The following OPRL1 variants were observed in gnomAD, a reference collection of about 807,000 sequenced individuals.
The protein encoded by OPRL1 is nociceptin receptor.
In OPRL1, 5 loss-of-function variants were observed where a neutral mutation model predicts 15.5. The ratio of observed to expected loss-of-function variants is 0.32; its 90% CI spans 0.17 to 0.68. The LOEUF (loss-of-function observed/expected upper bound fraction) is 0.68, where lower values mean the gene tolerates loss of function less well. Ranked by LOEUF, OPRL1 falls within the 30% of genes least tolerant of loss-of-function variation. The probability of loss-of-function intolerance (pLI) is 0.72; values close to 1 mark genes in which losing one functional copy is unlikely to be tolerated. For missense variants in OPRL1, 406 were observed against 515.3 expected, an observed-to-expected ratio of 0.79 and a Z score of 2.05; for synonymous variants, 223 against 230.2, an observed-to-expected ratio of 0.97 and a Z score of 0.28.
rs1474023654 is a variant in OPRL1, at chr20:64,090,477, T to C, written c.-184-1489T>C. ...TGCCTAGCAACCAGGTCCCCACTCATGGAGAAGGTGCTCGGAGCAGGGTCT... is the reference window on the plus strand; with the variant it reads ...TGCCTAGCAACCAGGTCCCCACTCACGGAGAAGGTGCTCGGAGCAGGGTCT... On this transcript the variant is annotated intron_variant, in intron 1 of 4. Transcript: ENST00000336866. This position sits in a 1 kb window ranked among gnomAD's most constrained non-coding sequence, Gnocchi z 4.9. 6.6e-6 allele frequency among the ~76,000 whole-genome samples: 1 copy of C among 152,166 alleles called. No individual in the cohort carries two copies. Among genetic ancestry groups the C allele is most frequent in the Non-Finnish European group, 1.5e-5 (1 of 68,016 alleles).
At position 64,098,887 on chromosome 20, in the gene OPRL1, G is replaced by T; in HGVS notation, c.*88G>T. ...GCTCACACAGGTCACTGCTCTCTAG[G>T]CGGACACACCCTGGGCCCTGAGCAT... On this transcript the variant is annotated 3_prime_UTR_variant, in exon 5 of 5. Transcript: ENST00000336866. 5.5e-6 allele frequency: 8 copies of T among 1,464,548 alleles called. No individual in the cohort carries two copies. The highest frequency in any genetic ancestry group is 7.2e-6 in the Non-Finnish European group (8 of 1,106,730). The allele number at this position is 1,464,548 out of a possible 1,614,324, so 90.7% of individuals were successfully genotyped here. A position where few individuals can be genotyped will look rare whatever the true frequency, so the allele number is the denominator to read the frequency against.
rs2059993940 is a variant in OPRL1, at chr20:64,083,524, T to G, written c.-185+3172T>G. 6.4e-7 allele frequency: 1 copy of G among 1,567,922 alleles called. No individual in the cohort carries two copies. On this transcript the variant is annotated intron_variant, in intron 1 of 4. Coordinates refer to ENST00000336866, the MANE Select transcript of OPRL1 (RefSeq NM_182647.4). This position sits in a 1 kb window ranked among gnomAD's most constrained non-coding sequence, Gnocchi z 4.9. ...CGGGGAGAGAGGCTGGGGTCCGGCGTGTGCGGAGGCGGGCAGGGCCCCTCC... is the reference window on the plus strand; with the variant it reads ...CGGGGAGAGAGGCTGGGGTCCGGCGGGTGCGGAGGCGGGCAGGGCCCCTCC...
At chr20:64,093,508 T>G (rs1193382089) in intron 3 of OPRL1, among the ~76,000 whole-genome samples, 9 of 2,668 alleles carry the variant, frequency 3.4e-3, no homozygotes, top group South Asian at 0.012. Flanking sequence ...GGGCAGTGTG[T>G]GGGGGGCGGT....
chr20:64,096,897 G>C (rs200367096), intron 3 of OPRL1, among the ~76,000 whole-genome samples: 65 of 1,804 alleles, frequency 0.036, no homozygotes, highest in East Asian at 0.048. Context: ...TCATCATCAC[G>C]ACCATCACCA....
chr20:64,094,838 C>G (rs1235920118), intron 3 of OPRL1, among the ~76,000 whole-genome samples: 1 of 674 alleles, frequency 1.5e-3, no homozygotes, highest in Admixed American at 0.011. Flanking sequence ...GGGATAGTGT[C>G]GGGGAGATCG....
chr20:64,083,802 G>T lies in OPRL1; in HGVS notation c.-185+3450G>T, dbSNP rs2060002390. 3.7e-6 allele frequency: 5 copies of T among 1,339,794 alleles called. No individual in the cohort carries two copies. Among genetic ancestry groups the T allele is most frequent in the Non-Finnish European group, 4.8e-6 (5 of 1,051,714 alleles). 83.0% of individuals were successfully genotyped at this position (1,339,794 alleles called of 1,614,324 possible). ...TCCCGGTGCGCCCCCTCTGCCCTCC[G>T]ACCCCCTCGCCTCACCCGCATGCGG... On this transcript the variant is annotated intron_variant, in intron 1 of 4. Coordinates refer to ENST00000336866, the MANE Select transcript of OPRL1 (RefSeq NM_182647.4). This position sits in a 1 kb window ranked among gnomAD's most constrained non-coding sequence, Gnocchi z 4.9.
At chr20:64,082,429 G>A (rs2059976987) in intron 1 of OPRL1, among the ~76,000 whole-genome samples, 1 of 152,208 alleles carries the variant, frequency 6.6e-6, no homozygotes, top group Admixed American at 6.5e-5. Flanking sequence ...GGGCGAGTGC[G>A]CAGGGCTCCA....
chr20:64,095,925 C>T (rs185848607), intron 3 of OPRL1, among the ~76,000 whole-genome samples: 2 of 152,092 alleles, frequency 1.3e-5, no homozygotes, highest in East Asian at 1.9e-4. Flanking sequence ...CATGCAGCCA[C>T]GTGTATATGT....
intron 1 of OPRL1, among the ~76,000 whole-genome samples, chr20:64,088,898 C>T: frequency 6.6e-6 from 1 of 150,596 alleles, no homozygotes; most frequent in Non-Finnish European, 1.5e-5. Flanking sequence ...GCAGAGTGGC[C>T]AGGGTCTGTG....
rs1015212742 is a variant in OPRL1, at chr20:64,100,053, G to A, written c.*1254G>A. 6.6e-6 allele frequency: 1 copy of A among 152,040 alleles called. No homozygotes were observed. Among genetic ancestry groups the A allele is most frequent in the Non-Finnish European group, 1.5e-5 (1 of 68,104 alleles). The allele number at this position is 152,040 out of a possible 1,614,324, so 9.4% of individuals were successfully genotyped here. A position where few individuals can be genotyped will look rare whatever the true frequency, so the allele number is the denominator to read the frequency against. On this transcript the variant is annotated 3_prime_UTR_variant, in exon 5 of 5. Transcript: ENST00000336866. ...CAGCATGAGGGGTGGGGCCTGGCAG[G>A]GCTTGCTTGAGCCAAACTGCAAAGG...
At position 64,083,883 on chromosome 20, in the gene OPRL1, C is replaced by G; in HGVS notation, c.-185+3531C>G. The G allele has an allele frequency of 7.0e-7, 1 of 1,438,532 alleles. No individual in the cohort carries two copies. The highest frequency in any genetic ancestry group is 9.1e-7 in the Non-Finnish European group (1 of 1,102,710). The allele number at this position is 1,438,532 out of a possible 1,614,324, so 89.1% of individuals were successfully genotyped here. ...CCGCGGGCCTCCGCTGCCTTGAGGA[C>G]GCCGAGGAGCCGGTTCTGGCGCTCG... On this transcript the variant is annotated intron_variant, in intron 1 of 4. Transcript: ENST00000336866. This position sits in a 1 kb window ranked among gnomAD's most constrained non-coding sequence, Gnocchi z 4.9.
At position 64,083,571 on chromosome 20, in the gene OPRL1, G is replaced by T; in HGVS notation, c.-185+3219G>T. The T allele has an allele frequency of 2.0e-6, 3 of 1,526,412 alleles. No homozygotes were observed. Among genetic ancestry groups the T allele is most frequent in the South Asian group, 2.4e-5 (2 of 82,654 alleles). 94.6% of individuals were successfully genotyped at this position (1,526,412 alleles called of 1,614,324 possible). On this transcript the variant is annotated intron_variant, in intron 1 of 4. Coordinates refer to ENST00000336866, the MANE Select transcript of OPRL1 (RefSeq NM_182647.4). The surrounding 1 kb of genome is among the most constrained non-coding windows in gnomAD (Gnocchi z 4.9). ...CTCCCCTTTCCCCGCCCCTACCGGG[G>T]CTTGTCTGCACCTCTTGGCGGTCCA...
rs984776622 is a variant in OPRL1 at position 64,093,019 on chromosome 20, G to A, written c.233+66G>A. The A allele has an allele frequency of 7.7e-6, 11 of 1,435,528 alleles. No homozygotes were observed. In the Middle Eastern group the frequency reaches 8.9e-4, roughly 117 times the overall value. The allele number at this position is 1,435,528 out of a possible 1,614,324, so 88.9% of individuals were successfully genotyped here. On this transcript the variant is annotated intron_variant, in intron 3 of 4. Transcript: ENST00000336866. ...CGGCTGCAGAGGGGGAAACTGAGAC[G>A]GGGTCTGTTCTGGATGGGCCTGAGC...
intron 1 of OPRL1, chr20:64,084,125 T>G: frequency 6.8e-7 from 1 of 1,470,914 alleles, no homozygotes; most frequent in Non-Finnish European, 8.9e-7. Context: ...GGGCGCCCCC[T>G]TGGCACGCTC....
Position 64,083,697 on chromosome 20 carries a change from C to T in OPRL1, c.-185+3345C>T, listed in dbSNP as rs1041965866. On this transcript the variant is annotated intron_variant, in intron 1 of 4. Coordinates refer to ENST00000336866, the MANE Select transcript of OPRL1 (RefSeq NM_182647.4). The surrounding 1 kb of genome is among the most constrained non-coding windows in gnomAD (Gnocchi z 4.9). ...TCTGCCGCTGGATGAGCAGCGCGAT[C>T]TCCTCGGCCTGCGGGGCCCGGGTAG... 1.4e-6 allele frequency: 2 copies of T among 1,393,828 alleles called. No homozygotes were observed. Among genetic ancestry groups the T allele is most frequent in the Non-Finnish European group, 9.2e-7 (1 of 1,082,618 alleles). The allele number at this position is 1,393,828 out of a possible 1,614,324, so 86.3% of individuals were successfully genotyped here.
Position 64,097,592 on chromosome 20 carries a change from G to A in OPRL1, c.234-210G>A, listed in dbSNP as rs978250537. Reference sequence around the variant, plus strand: ...AGTCACTTGAGGAGCTGGTTAAGACGTTTGACCCCAGGCCCTACCCCCTGA... The same window carrying A: ...AGTCACTTGAGGAGCTGGTTAAGACATTTGACCCCAGGCCCTACCCCCTGA... On this transcript the variant is annotated intron_variant, in intron 3 of 4. Transcript: ENST00000336866. The surrounding 1 kb of genome is among the most constrained non-coding windows in gnomAD (Gnocchi z 4.2). Among the ~76,000 whole-genome samples, 2 of 152,136 alleles carry A rather than the reference G, an allele frequency of 1.3e-5. No homozygotes were observed. Among genetic ancestry groups the A allele is most frequent in the African/African-American group, 4.8e-5 (2 of 41,412 alleles).
At position 64,083,525 on chromosome 20, in the gene OPRL1, G is replaced by C. The variant is rs2059994012; in HGVS notation, c.-185+3173G>C. The C allele has an allele frequency of 6.4e-7, 1 of 1,565,832 alleles. No individual in the cohort carries two copies. Among genetic ancestry groups the C allele is most frequent in the Non-Finnish European group, 8.6e-7 (1 of 1,156,086 alleles). Reference sequence around the variant, plus strand: ...GGGGAGAGAGGCTGGGGTCCGGCGTGTGCGGAGGCGGGCAGGGCCCCTCCC... The same window carrying C: ...GGGGAGAGAGGCTGGGGTCCGGCGTCTGCGGAGGCGGGCAGGGCCCCTCCC... On this transcript the variant is annotated intron_variant, in intron 1 of 4. Coordinates refer to ENST00000336866, the MANE Select transcript of OPRL1 (RefSeq NM_182647.4). The surrounding 1 kb of genome is among the most constrained non-coding windows in gnomAD (Gnocchi z 4.9).
At chr20:64,088,060 C>T (rs2060068545) in intron 1 of OPRL1, among the ~76,000 whole-genome samples, 1 of 152,244 alleles carries the variant, frequency 6.6e-6, no homozygotes, top group East Asian at 1.9e-4. Flanking sequence ...GGCCAGGTGC[C>T]TGCCTCCTGC....
chr20:64,096,041 T>G (rs1393915123), intron 3 of OPRL1, among the ~76,000 whole-genome samples: 1 of 152,016 alleles, frequency 6.6e-6, no homozygotes, highest in Non-Finnish European at 1.5e-5. Context: ...CCTGGGGAGG[T>G]TGCCTCGTGA....
Sources: gnomAD v4.1 joint callset for allele counts (sites outside exome capture counted in the v4.1 genomes callset) on GRCh38, gnomAD v4.1.1 for gene constraint, Gnocchi (gnomAD v3.1) non-coding constraint, MANE v1.5 for transcripts, NCBI Gene and HGNC (gene_info 2026-07-23, HGNC 2026-07-21) for gene names.